The following ARHGAP42 variants were observed in gnomAD, a reference collection of about 807,000 sequenced individuals.
The protein encoded by ARHGAP42 is Rho GTPase activating protein 42.
A neutral mutation model predicts 125.0 loss-of-function variants in ARHGAP42; 63 were observed. The observed-to-expected ratio is 0.50, with a 90% confidence interval of 0.41 to 0.62. The LOEUF is 0.62. Among genes scored for constraint, ARHGAP42 ranks in the 20% least tolerant of loss-of-function variants. ARHGAP42 has a pLI of 0.00. For synonymous variants in ARHGAP42, 339 were observed against 351.0 expected (o/e 0.97, Z 0.38); for missense variants, 766 against 1,024.2 (o/e 0.75, Z 3.44).
intron 4 of ARHGAP42, among the ~76,000 whole-genome samples, chr11:100,875,378 C>G (rs900792543): frequency 6.6e-6 from 1 of 151,834 alleles, no homozygotes; most frequent in African/African-American, 2.4e-5. Flanking sequence ...AGGGCTGGGG[C>G]TAGGGGTGGG....
chr11:100,710,416 T>C (rs1458111667), intron 1 of ARHGAP42, among the ~76,000 whole-genome samples: 1 of 151,332 alleles, frequency 6.6e-6, no homozygotes, highest in Non-Finnish European at 1.5e-5. Flanking sequence ...TTTGTATTTT[T>C]AGTAGAGATG....
chr11:100,861,772 G>A (rs1038556272), intron 4 of ARHGAP42, among the ~76,000 whole-genome samples: 2 of 152,134 alleles, frequency 1.3e-5, no homozygotes, highest in East Asian at 3.9e-4. Context: ...TGAAATTTAG[G>A]CTCCTCTGAG....
At chr11:100,803,796 TG>T (rs1418627862) in intron 3 of ARHGAP42, among the ~76,000 whole-genome samples, 3 of 152,224 alleles carry the variant, frequency 2.0e-5, no homozygotes, top group Admixed American at 6.5e-5. Context: ...TTTTTTTTCT[TG>T]GCTATATCTT....
At chr11:100,987,639 A>G (rs757713072) in intron 23 of ARHGAP42, 47 bp downstream of exon 23, 1 of 1,492,752 alleles carries the variant, frequency 6.7e-7, no homozygotes, top group South Asian at 1.2e-5. Context: ...CATGGGGAGG[A>G]TGAAGGAATA....
chr11:100,754,494 A>C (rs1338931478), intron 1 of ARHGAP42, among the ~76,000 whole-genome samples: 1 of 152,204 alleles, frequency 6.6e-6, no homozygotes, highest in Non-Finnish European at 1.5e-5. Flanking sequence ...GTTCTATTCC[A>C]TACTTGTAGA....
chr11:100,919,678 A>G (rs1333008198), intron 5 of ARHGAP42, among the ~76,000 whole-genome samples: 1 of 152,176 alleles, frequency 6.6e-6, no homozygotes, highest in Non-Finnish European at 1.5e-5. Flanking sequence ...CTGGGATTAC[A>G]GATGTGAGCC....
intron 22 of ARHGAP42, among the ~76,000 whole-genome samples, chr11:100,985,253 G>A (rs528431641): frequency 1.7e-4 from 26 of 152,202 alleles, no homozygotes; most frequent in African/African-American, 5.3e-4. Context: ...CTACAACTTC[G>A]GAGATTGTTT....
chr11:100,735,707 C>T (rs1862053126), intron 1 of ARHGAP42, among the ~76,000 whole-genome samples: 1 of 136,872 alleles, frequency 7.3e-6, no homozygotes, highest in African/African-American at 2.7e-5. Context: ...CTCCTGGGTT[C>T]AAGCGAGTCT....
chr11:100,724,571 A>T (rs1260616100), intron 1 of ARHGAP42, among the ~76,000 whole-genome samples: 1 of 152,028 alleles, frequency 6.6e-6, no homozygotes, highest in Non-Finnish European at 1.5e-5. Flanking sequence ...GTTCAGTTTC[A>T]TCTAAGTTTT....
chr11:100,768,852 T>C lies in ARHGAP42; in HGVS notation c.155-1491T>C, dbSNP rs995285369. 2.0e-5 allele frequency among the ~76,000 whole-genome samples: 3 copies of C among 152,206 alleles called. No homozygotes were observed. In the South Asian group the frequency reaches 6.2e-4, roughly 31 times the overall value. ...TCCTCAAAACAATTCTATAAGGTGG[T>C]TATACCATCTTCCCATTTTATATAT... On this transcript the variant is annotated intron_variant, in intron 1 of 23. Transcript: ENST00000298815.
intron 3 of ARHGAP42, among the ~76,000 whole-genome samples, chr11:100,828,721 T>C (rs1386062367): frequency 7.0e-6 from 1 of 143,704 alleles, no homozygotes; most frequent in Non-Finnish European, 1.6e-5. Context: ...AGGGTCTTGC[T>C]CTCTCACCCA....
chr11:100,930,257 T>C (rs1395159545), intron 6 of ARHGAP42, among the ~76,000 whole-genome samples: 1 of 152,234 alleles, frequency 6.6e-6, no homozygotes, highest in East Asian at 1.9e-4. Flanking sequence ...AGTGCAATTC[T>C]TAAAGCTTTT....
chr11:100,926,118 C>T (rs1262476992), intron 6 of ARHGAP42, among the ~76,000 whole-genome samples: 1 of 152,142 alleles, frequency 6.6e-6, no homozygotes, highest in African/African-American at 2.4e-5. Flanking sequence ...ACTCATCTGC[C>T]TTATGATTCA....
intron 3 of ARHGAP42, among the ~76,000 whole-genome samples, chr11:100,849,472 A>G (rs145495492): frequency 6.6e-6 from 1 of 152,332 alleles, no homozygotes; most frequent in African/African-American, 2.4e-5. Context: ...AAATCTTTGC[A>G]AAATAAATCA....
chr11:100,833,859 GT>G (rs1864718787), intron 3 of ARHGAP42, among the ~76,000 whole-genome samples: 1 of 152,124 alleles, frequency 6.6e-6, no homozygotes, highest in South Asian at 2.1e-4. Context: ...TGAGAGAAGT[GT>G]TAATGAGTTT....
At chr11:100,755,216 A>T (rs1862545331) in intron 1 of ARHGAP42, among the ~76,000 whole-genome samples, 1 of 152,234 alleles carries the variant, frequency 6.6e-6, no homozygotes, top group African/African-American at 2.4e-5. Flanking sequence ...GAGGCTGAAG[A>T]CAATGCTTGC....
chr11:100,806,081 G>C (rs1863982687), intron 3 of ARHGAP42, among the ~76,000 whole-genome samples: 1 of 152,110 alleles, frequency 6.6e-6, no homozygotes, highest in Non-Finnish European at 1.5e-5. Flanking sequence ...AAATGCCTCT[G>C]ATAATACTTA....
chr11:100,762,615 TA>T (rs1862732884), intron 1 of ARHGAP42, among the ~76,000 whole-genome samples: 1 of 152,212 alleles, frequency 6.6e-6, no homozygotes, highest in Admixed American at 6.5e-5. Context: ...GGCATGTATA[TA>T]AAACAGAAAA....
chr11:100,837,666 C>CTTTTTTTTTTTT (rs373059302), intron 3 of ARHGAP42, among the ~76,000 whole-genome samples: 878 of 60,528 alleles, frequency 0.015, 119 homozygotes, highest in East Asian at 0.018. Context: ...AGGTGTCATC[C>CTTTTTTTTTTTT]TTTTTTTTTT....
Sources: gnomAD v4.1 joint callset for allele counts (sites outside exome capture counted in the v4.1 genomes callset) on GRCh38, gnomAD v4.1.1 for gene constraint, MANE v1.5 for transcripts, NCBI Gene and HGNC (gene_info 2026-07-23, HGNC 2026-07-21) for gene names.